The following EDNRB variants were observed in gnomAD, a reference collection of about 807,000 sequenced individuals.
EDNRB encodes endothelin receptor type B, also known as Hirschsprung disease 2.
EDNRB carries 18 observed loss-of-function variants against 46.4 expected under a neutral mutation model. The ratio of observed to expected loss-of-function variants is 0.39; its 90% CI spans 0.27 to 0.57. EDNRB has a LOEUF of 0.57. EDNRB is among the 20% of genes least tolerant of loss of function. The pLI, the probability that EDNRB is intolerant of heterozygous loss-of-function variation, is 0.61. For synonymous variants in EDNRB, 213 were observed against 204.9 expected, an observed-to-expected ratio of 1.04 and a Z score of -0.34; for missense variants, 434 against 537.5, an observed-to-expected ratio of 0.81 and a Z score of 1.90.
chr13:77,962,662 T>G (rs902417096), intron 1 of EDNRB, among the ~76,000 whole-genome samples: 2 of 152,148 alleles, frequency 1.3e-5, no homozygotes, highest in African/African-American at 4.8e-5. Context: ...ACAGCCAGTA[T>G]CATACTGAAT....
intron 1 of EDNRB, among the ~76,000 whole-genome samples, chr13:77,971,964 AG>A (rs1294335810): frequency 2.0e-5 from 3 of 152,292 alleles, no homozygotes; most frequent in Non-Finnish European, 4.4e-5. Flanking sequence ...GGGATGAACA[AG>A]GGCTGACTGA....
chr13:77,898,269 G>A lies in EDNRB; in HGVS notation c.1260C>T (p.Cys420=). 2 of 1,612,182 alleles carry A rather than the reference G, an allele frequency of 1.2e-6. No homozygotes were observed. Among genetic ancestry groups the A allele is most frequent in the Non-Finnish European group, 1.7e-6 (2 of 1,178,912 alleles). The part of the protein sequence containing the change: ...EKQSLEEKQS[C]LKFKANDHGY... The stretch of plus-strand genomic sequence containing the variant: ...CGTGATCATTAGCTTTGAACTTTAA[G>A]CACGACTGCTTTTCCTCCAAGGACT... The change falls in exon 7 of 7, where the codon TGC becomes TGT. Residue 420 remains cysteine, a synonymous_variant. Coordinates refer to ENST00000646607, the MANE Select transcript of EDNRB (RefSeq NM_001122659.3).
At chr13:77,967,099 A>G (rs1359271353) in intron 1 of EDNRB, among the ~76,000 whole-genome samples, 1 of 152,188 alleles carries the variant, frequency 6.6e-6, no homozygotes, top group Non-Finnish European at 1.5e-5. Context: ...GTCCCTATTA[A>G]TTAAGAGAAG....
At chr13:77,908,828 T>A (rs983427979) in intron 1 of EDNRB, among the ~76,000 whole-genome samples, 8 of 152,030 alleles carry the variant, frequency 5.3e-5, no homozygotes, top group Admixed American at 5.3e-4. Context: ...ATTGACACTA[T>A]GTCGCTTCCA....
At chr13:77,964,432 G>A (rs1215644169) in intron 1 of EDNRB, among the ~76,000 whole-genome samples, 1 of 152,132 alleles carries the variant, frequency 6.6e-6, no homozygotes, top group Admixed American at 6.5e-5. Context: ...TATACACCAT[G>A]GAATATTATG....
At chr13:77,910,145 A>C (rs1879501471) in intron 1 of EDNRB, among the ~76,000 whole-genome samples, 1 of 152,032 alleles carries the variant, frequency 6.6e-6, no homozygotes, top group African/African-American at 2.4e-5. Flanking sequence ...TGCAGTAAAC[A>C]TAGGAGCATT....
intron 1 of EDNRB, among the ~76,000 whole-genome samples, chr13:77,970,734 G>A (rs1181534757): frequency 6.6e-6 from 1 of 151,754 alleles, no homozygotes; most frequent in East Asian, 1.9e-4. Flanking sequence ...CATTTCCTGG[G>A]CTACATACCT....
intron 1 of EDNRB, among the ~76,000 whole-genome samples, chr13:77,940,849 G>A (rs924015648): frequency 2.6e-5 from 4 of 152,066 alleles, no homozygotes; most frequent in Admixed American, 2.6e-4. Flanking sequence ...GAGGTTAAGC[G>A]TATAATTTAT....
At chr13:77,921,573 G>A (rs1594376278), upstream of EDNRB, among the ~76,000 whole-genome samples, 4 of 152,326 alleles carry the variant, frequency 2.6e-5, no homozygotes, top group South Asian at 8.3e-4. Context: ...TGGTTACACA[G>A]ACTATGCTTT....
chr13:77,932,989 C>T (rs1361491756), intron 1 of EDNRB, among the ~76,000 whole-genome samples: 1 of 152,106 alleles, frequency 6.6e-6, no homozygotes, highest in African/African-American at 2.4e-5. Flanking sequence ...GCTATTTTGC[C>T]AAGCATTAAA....
intron 1 of EDNRB, among the ~76,000 whole-genome samples, chr13:77,904,254 A>G (rs553457087): frequency 6.6e-6 from 1 of 152,038 alleles, no homozygotes; most frequent in Non-Finnish European, 1.5e-5. Context: ...GTCTTACTCA[A>G]ATTTCATCTT....
At chr13:77,919,167 A>T, upstream of EDNRB, 1 of 564,018 alleles carries the variant, frequency 1.8e-6, no homozygotes, top group Non-Finnish European at 2.9e-6. Flanking sequence ...TGCGCCGGAG[A>T]TTCGGAAACC....
chr13:77,971,505 AT>A (rs529977344), intron 1 of EDNRB, among the ~76,000 whole-genome samples: 1,795 of 141,112 alleles, frequency 0.013, 47 homozygotes, highest in African/African-American at 0.043. Context: ...TCCAACTGCC[AT>A]TTTTTTTTTC....
At chr13:77,911,062 A>G (rs1879543056) in intron 1 of EDNRB, among the ~76,000 whole-genome samples, 1 of 152,084 alleles carries the variant, frequency 6.6e-6, no homozygotes, top group Admixed American at 6.6e-5. Flanking sequence ...ATTTAAAAAT[A>G]TATCCATAGT....
chr13:77,913,110 G>C (rs1879652725), intron 1 of EDNRB, among the ~76,000 whole-genome samples: 1 of 152,124 alleles, frequency 6.6e-6, no homozygotes, highest in Non-Finnish European at 1.5e-5. Flanking sequence ...TAAGAGGATA[G>C]TGCAAAAGGT....
chr13:77,939,730 G>T (rs1239024327), intron 1 of EDNRB: 1 of 152,188 alleles, frequency 6.6e-6, no homozygotes, highest in Non-Finnish European at 1.5e-5. Flanking sequence ...GGGCGCAGTG[G>T]CTCATGCCTG....
Position 77,971,505 on chromosome 13 carries a change from A to AT in EDNRB, c.-52+3841dup, listed in dbSNP as rs529977344. Among the ~76,000 whole-genome samples the AT allele has an allele frequency of 7.3e-4, 103 of 141,072 alleles. 1 individual carries two copies. Among genetic ancestry groups the AT allele is most frequent in the South Asian group, 5.0e-3 (22 of 4,414 alleles). The allele number at this position is 141,072 out of a possible 152,430, so 92.5% of individuals were successfully genotyped here. A position where few individuals can be genotyped will look rare whatever the true frequency, so the allele number is the denominator to read the frequency against. On this transcript the variant is annotated intron_variant, in intron 1 of 7. Coordinates refer to the EDNRB transcript ENST00000646948. ...AGACTGGATTAAAACTCCAACTGCC[A>AT]TTTTTTTTTTCTTTCTGACACATAG...
chr13:77,920,092 C>T (rs1250541231), upstream of EDNRB, among the ~76,000 whole-genome samples: 1 of 152,176 alleles, frequency 6.6e-6, no homozygotes, highest in African/African-American at 2.4e-5. Context: ...AAGTACTCCT[C>T]ATTTTCCCCA....
At position 77,897,509 on chromosome 13, in the gene EDNRB, G is replaced by A; in HGVS notation, c.*691C>T. The A allele has an allele frequency of 1.0e-6, 1 of 979,374 alleles. No individual in the cohort carries two copies. Among genetic ancestry groups the A allele is most frequent in the Non-Finnish European group, 1.2e-6 (1 of 824,566 alleles). 60.7% of individuals were successfully genotyped at this position (979,374 alleles called of 1,614,324 possible). On this transcript the variant is annotated 3_prime_UTR_variant, in exon 7 of 7. Transcript: ENST00000646607. ...TATTTTAAATTCAGCTGGCACATGT[G>A]CCAGTCTGTTACATGCTGCTTGTTT... is the stretch of plus-strand genomic sequence containing the variant.
Sources: allele counts gnomAD v4.1 joint callset (sites outside exome capture counted in the v4.1 genomes callset), GRCh38; gene constraint gnomAD v4.1.1; transcripts MANE v1.5; gene names NCBI Gene and HGNC (gene_info 2026-07-23, HGNC 2026-07-21).